Variants in RXRA observed in about 807,000 individuals in gnomAD.
RXRA encodes the protein retinoid X receptor alpha, also known as retinoic acid receptor RXR-alpha.
RXRA carries 5 observed loss-of-function variants against 44.5 expected under a neutral mutation model. The observed-to-expected ratio is 0.11, with a 90% CI of 0.06 to 0.24. The LOEUF (loss-of-function observed/expected upper bound fraction) is 0.24, where lower values mean the gene tolerates loss of function less well. RXRA is among the 10% of genes least tolerant of loss of function. RXRA has a pLI of 1.00. For synonymous variants in RXRA, 291 were observed against 271.4 expected, an observed-to-expected ratio of 1.07 and a Z score of -0.71; for missense variants, 412 against 646.5, an observed-to-expected ratio of 0.64 and a Z score of 3.93.
In RXRA at chr9:134,426,757, G is replaced by C. The variant is rs1831441103; in HGVS notation, c.911-2351G>C. ...AACCCCCAGGCCTGCAGGATGTGAG[G>C]GAGAGAGGCAGGCCCGAGAGGCCAG... On this transcript the variant is annotated intron_variant, in intron 6 of 9. Transcript: ENST00000481739. This position sits in a 1 kb window ranked among gnomAD's most constrained non-coding sequence, Gnocchi z 4.6. 1.0e-6 allele frequency: 1 copy of C among 985,284 alleles called. No homozygotes were observed. Among genetic ancestry groups the C allele is most frequent in the Admixed American group, 6.1e-5 (1 of 16,264 alleles). The allele number at this position is 985,284 out of a possible 1,614,324, so 61.0% of individuals were successfully genotyped here.
intron 1 of RXRA, among the ~76,000 whole-genome samples, chr9:134,329,137 C>T (rs1736895642): frequency 2.0e-5 from 3 of 152,186 alleles, no homozygotes; most frequent in South Asian, 2.1e-4. Context: ...TGGAGAGACC[C>T]GGTGGCAAAG....
intron 6 of RXRA, chr9:134,424,859 TC>T (rs1831406736): frequency 1.0e-6 from 1 of 985,438 alleles, no homozygotes; most frequent in Non-Finnish European, 1.2e-6. Flanking sequence ...TGCTGGGTTT[TC>T]TTCTGGCAGG....
intron 6 of RXRA, chr9:134,424,986 GA>G: frequency 1.0e-6 from 1 of 985,474 alleles, no homozygotes; most frequent in Non-Finnish European, 1.2e-6. Flanking sequence ...GCTGGTGGGG[GA>G]GGTCACTTCC....
intron 6 of RXRA, chr9:134,422,040 A>T: frequency 8.7e-7 from 1 of 1,155,112 alleles, no homozygotes; most frequent in Non-Finnish European, 1.1e-6. Flanking sequence ...GGATGCTCCC[A>T]TCTCCCAGGA....
At position 134,417,135 on chromosome 9, in the gene RXRA, C is replaced by T. The variant is rs368183080; in HGVS notation, c.611-23C>T. 186 of 1,602,268 alleles carry T rather than the reference C, an allele frequency of 1.2e-4. No individual in the cohort carries two copies. The African/African-American group carries it at 2.1e-3, about 18-fold the overall frequency. On this transcript the variant is annotated intron_variant, in intron 4 of 9. Transcript: ENST00000481739. The surrounding 1 kb of genome is among the most constrained non-coding windows in gnomAD (Gnocchi z 6.1). ...CACTGGCCGGGCTGAGCGTGGGGCT[C>T]ACCTGCGCCTCCCGGGTTGTAGCCG...
At chr9:134,425,554 G>A (rs1353881919) in intron 6 of RXRA, 11 of 581,620 alleles carry the variant, frequency 1.9e-5, no homozygotes, top group Non-Finnish European at 1.9e-5. Flanking sequence ...GGTGGGGGGT[G>A]GGGGGGGGTG....
intron 4 of RXRA, 24 bp downstream of exon 4, chr9:134,409,143 G>C (rs772892798): frequency 2.6e-6 from 4 of 1,521,582 alleles, no homozygotes. Context: ...TCGGGTGGGG[G>C]CGCGGGCAGG....
At chr9:134,373,716 C>T (rs1830518187) in intron 1 of RXRA, among the ~76,000 whole-genome samples, 3 of 152,208 alleles carry the variant, frequency 2.0e-5, no homozygotes, top group African/African-American at 7.2e-5. Flanking sequence ...GGAAGCCCCC[C>T]TTGATGTCTC....
chr9:134,351,111 G>T (rs1166712783), intron 1 of RXRA, among the ~76,000 whole-genome samples: 2 of 152,256 alleles, frequency 1.3e-5, no homozygotes, highest in Non-Finnish European at 1.5e-5. Flanking sequence ...GCTGCAGGGG[G>T]CTGAGCCCTC....
chr9:134,431,851 C>T (rs1030148001), intron 7 of RXRA, 54 bp from the exon 8 acceptor site: 6 of 1,410,626 alleles, frequency 4.3e-6, no homozygotes, highest in Non-Finnish European at 6.0e-6. Context: ...GGGTGTGGCC[C>T]TGGTGAGGGC....
chr9:134,391,664 G>A (rs762906408), intron 1 of RXRA, among the ~76,000 whole-genome samples: 1 of 152,186 alleles, frequency 6.6e-6, no homozygotes, highest in Non-Finnish European at 1.5e-5. Flanking sequence ...GGAGAGGTGA[G>A]CATTCTGCCA....
chr9:134,426,397 G>A lies in RXRA; in HGVS notation c.911-2711G>A, dbSNP rs779003607. ...TTCTCTTACATCCGAGAAGGAGGAG[G>A]GCAGCTTACAAAGGTGTGTGGGGCA... On this transcript the variant is annotated intron_variant, in intron 6 of 9. Coordinates refer to ENST00000481739, the MANE Select transcript of RXRA (RefSeq NM_002957.6). The surrounding 1 kb of genome is among the most constrained non-coding windows in gnomAD (Gnocchi z 4.6). 274 of 985,340 alleles carry A rather than the reference G, an allele frequency of 2.8e-4. 4 individuals are homozygous for A. The highest frequency in any genetic ancestry group is 1.2e-4 in the Admixed American group (2 of 16,272). 61.0% of individuals were successfully genotyped at this position (985,340 alleles called of 1,614,324 possible).
intron 7 of RXRA, among the ~76,000 whole-genome samples, chr9:134,429,759 C>T (rs1270519129): frequency 1.3e-5 from 2 of 152,220 alleles, no homozygotes; most frequent in East Asian, 3.9e-4. Context: ...AGGAGCAGCA[C>T]TGGCTGGAGG....
rs1002553341 is a variant in RXRA, at chr9:134,366,523, C to A, written c.29-35109C>A. ...CGGGAGTCCCCCTCCCCAGCAGCCA[C>A]CCCGTGCCATGGGCCTCCAGGTCCC... On this transcript the variant is annotated intron_variant, in intron 1 of 9. Coordinates refer to ENST00000481739, the MANE Select transcript of RXRA (RefSeq NM_002957.6). The surrounding 1 kb of genome is among the most constrained non-coding windows in gnomAD (Gnocchi z 5.9). Among the ~76,000 whole-genome samples the A allele has an allele frequency of 6.6e-6, 1 of 152,210 alleles. No homozygotes were observed. The highest frequency in any genetic ancestry group is 1.5e-5 in the Non-Finnish European group (1 of 68,026).
chr9:134,412,708 G>T (rs1831169206), intron 4 of RXRA, among the ~76,000 whole-genome samples: 2 of 152,200 alleles, frequency 1.3e-5, no homozygotes, highest in South Asian at 4.1e-4. Flanking sequence ...AGCCGGGGAG[G>T]GGGCAGGGGT....
At chr9:134,427,363 T>G (rs1314440416) in intron 6 of RXRA, among the ~76,000 whole-genome samples, 1 of 152,132 alleles carries the variant, frequency 6.6e-6, no homozygotes, top group African/African-American at 2.4e-5. Flanking sequence ...TGCTGCCACC[T>G]GGCAGGGAGA....
rs150832220 is a variant in RXRA, at chr9:134,423,973, AGGTCCGAGTCGG to A, written c.910+2170_910+2181del. The stretch of plus-strand genomic sequence containing the variant: ...TGGTTGTGCGCTGGGGGCCTGGCGG[AGGTCCGAGTCGG>A]GTTGGATGGCTGTGTCCGTCGCCAT... On this transcript the variant is annotated intron_variant, in intron 6 of 9. Transcript: ENST00000481739. The A allele has an allele frequency of 1.4e-3, 1,413 of 985,116 alleles. 16 individuals carry two copies. The African/African-American group carries it at 0.021, about 15-fold the overall frequency. The allele number at this position is 985,116 out of a possible 1,614,324, so 61.0% of individuals were successfully genotyped here.
chr9:134,354,815 G>T (rs1830264014), intron 1 of RXRA, among the ~76,000 whole-genome samples: 1 of 152,234 alleles, frequency 6.6e-6, no homozygotes, highest in African/African-American at 2.4e-5. Context: ...GGCTGCAATT[G>T]TCCTCGTCCT....
chr9:134,421,011 G>T (rs984420770), intron 5 of RXRA, among the ~76,000 whole-genome samples: 8 of 152,252 alleles, frequency 5.3e-5, no homozygotes, highest in Non-Finnish European at 1.0e-4. Flanking sequence ...CCTGTCCCCA[G>T]CGTGGGCCAC....
Sources: allele counts gnomAD v4.1 joint callset (sites outside exome capture counted in the v4.1 genomes callset), GRCh38; gene constraint gnomAD v4.1.1; non-coding constraint Gnocchi (gnomAD v3.1); transcripts MANE v1.5; gene names NCBI Gene and HGNC (gene_info 2026-07-23, HGNC 2026-07-21).